The following MYLK2 variants were observed in gnomAD, a reference collection of about 807,000 sequenced individuals.
MYLK2 encodes the protein myosin light chain kinase 2.
In MYLK2, 27 loss-of-function variants were observed where a neutral mutation model predicts 58.2. The ratio of observed to expected loss-of-function variants is 0.46; its 90% confidence interval spans 0.34 to 0.64. The LOEUF (loss-of-function observed/expected upper bound fraction) is 0.64. Among genes scored for constraint, MYLK2 ranks in the 30% least tolerant of loss-of-function variants. The probability of loss-of-function intolerance (pLI) is 0.01; values close to 1 mark genes in which losing one functional copy is unlikely to be tolerated. For synonymous variants in MYLK2, 310 were observed against 296.7 expected, an observed-to-expected ratio of 1.04 and a Z score of -0.46; for missense variants, 676 against 764.3, an observed-to-expected ratio of 0.88 and a Z score of 1.36.
rs768264478 is a variant in MYLK2, at chr20:31,831,758, G to A, written c.1480G>A (p.Val494Ile). ...TGATGACACAGAGACCCTAAACAAC[G>A]TTCTATCTGGCAACTGGTACTTTGA... Reference protein sequence around the residue: ...GDDDTETLNNVLSGNWYFDEE... With the variant: ...GDDDTETLNNILSGNWYFDEE... The change falls in exon 11 of 13, where the codon GTT becomes ATT. Residue 494 changes from valine (V) to isoleucine (I), a missense_variant. Around this residue, in one of 2 missense-constraint regions of MYLK2, gnomAD observed 370 missense variants for 467.8 expected, o/e 0.79. Transcript: ENST00000375985. 1.2e-5 allele frequency: 19 copies of A among 1,613,880 alleles called. No homozygotes were observed. Among genetic ancestry groups the A allele is most frequent in the South Asian group, 5.5e-5 (5 of 91,072 alleles).
At chr20:31,831,680 C>A (rs377136396) in intron 10 of MYLK2, 23 bp from the exon 11 acceptor site, 19 of 1,613,430 alleles carry the variant, frequency 1.2e-5, no homozygotes, top group African/African-American at 4.0e-5. Context: ...ACCTCCCTGC[C>A]CCCTGCTATC....
At chr20:31,831,947 A>G (rs1020012009) in intron 11 of MYLK2, 57 bp from the exon 12 acceptor site, 7 of 1,612,862 alleles carry the variant, frequency 4.3e-6, no homozygotes, top group African/African-American at 2.7e-5. Flanking sequence ...AGGCCAGCTG[A>G]GCCCCTGGGG....
chr20:31,826,528 C>A, intron 6 of MYLK2, 77 bp from the exon 7 acceptor site: 1 of 1,592,588 alleles, frequency 6.3e-7, no homozygotes, highest in South Asian at 1.1e-5. Flanking sequence ...CAGGCCTGTT[C>A]AAGGGTGCGG....
intron 8 of MYLK2, among the ~76,000 whole-genome samples, 183 bp from the exon 9 acceptor site, chr20:31,830,636 C>T (rs776279220): frequency 3.0e-4 from 45 of 152,318 alleles, no homozygotes; most frequent in East Asian, 1.9e-4. Context: ...ATAAGCCCCT[C>T]GTGGGGGACT....
At chr20:31,822,150 A>G (rs1468229714) in intron 4 of MYLK2, among the ~76,000 whole-genome samples, 2 of 152,226 alleles carry the variant, frequency 1.3e-5, no homozygotes, top group Non-Finnish European at 2.9e-5. Context: ...AGGAAAATGA[A>G]GTGCCCAAAC....
At chr20:31,833,278 G>A (rs1474967056) in intron 12 of MYLK2, among the ~76,000 whole-genome samples, 3 of 152,086 alleles carry the variant, frequency 2.0e-5, no homozygotes, top group South Asian at 2.1e-4. Context: ...AGAGTATTCC[G>A]GGCAGAGGGA....
intron 8 of MYLK2, 82 bp downstream of exon 8, chr20:31,827,020 G>A: frequency 6.3e-7 from 1 of 1,594,276 alleles, no homozygotes; most frequent in South Asian, 1.1e-5. Flanking sequence ...CCATCCCTCT[G>A]CCCTCCCATC....
Position 31,821,693 on chromosome 20 carries a change from C to T in MYLK2, c.728C>T (p.Ala243Val). The change falls in exon 4 of 13, where the codon GCC becomes GTC. Residue 243 changes from alanine (A) to valine (V), a missense_variant. This residue lies in a region of MYLK2 where 370 missense variants were observed against 467.8 expected (regional missense o/e 0.79). Transcript: ENST00000375985. The part of the protein sequence containing the change: ...VPSEKSEVGQ[A>V]LCLTAREEDC... The stretch of plus-strand genomic sequence containing the variant: ...TCAGAGAAATCCGAGGTGGGGCAGG[C>T]CCTCTGTCTCACAGCCAGGGAGGAG... The T allele has an allele frequency of 6.2e-7, 1 of 1,611,646 alleles. No homozygotes were observed. Among genetic ancestry groups the T allele is most frequent in the Non-Finnish European group, 8.5e-7 (1 of 1,178,098 alleles).
chr20:31,830,301 C>T (rs547632041), intron 8 of MYLK2, among the ~76,000 whole-genome samples: 1 of 152,156 alleles, frequency 6.6e-6, no homozygotes, highest in African/African-American at 2.4e-5. Flanking sequence ...TGTAGCTCAT[C>T]ATCCTCACTA....
chr20:31,824,532 C>T, intron 6 of MYLK2, 180 bp downstream of exon 6: 1 of 985,424 alleles, frequency 1.0e-6, no homozygotes, highest in African/African-American at 1.7e-5. Context: ...GGCCTGAGGA[C>T]CCTACCCATA....
chr20:31,820,834 A>AT (rs966416008), intron 3 of MYLK2, among the ~76,000 whole-genome samples: 46 of 152,316 alleles, frequency 3.0e-4, no homozygotes, highest in African/African-American at 1.1e-3. Flanking sequence ...CCCTTACTCC[A>AT]TGGGCTTGGG....
intron 8 of MYLK2, 99 bp from the exon 9 acceptor site, chr20:31,830,720 G>T: frequency 8.0e-7 from 1 of 1,242,344 alleles, no homozygotes; most frequent in South Asian, 1.2e-5. Context: ...CTGGCAGCTT[G>T]GGCCTCTGCC....
chr20:31,819,743 G>A, intron 2 of MYLK2, 111 bp downstream of exon 2: 1 of 1,292,622 alleles, frequency 7.7e-7, no homozygotes, highest in Non-Finnish European at 1.1e-6. Context: ...TGTTTGCATG[G>A]TGCACGGGGG....
intron 6 of MYLK2, among the ~76,000 whole-genome samples, chr20:31,824,991 G>A (rs375229424): frequency 3.3e-5 from 5 of 152,174 alleles, no homozygotes; most frequent in East Asian, 1.9e-4. Flanking sequence ...CCTTTTGAGC[G>A]AGGGCTTTGA....
At chr20:31,821,814 C>A in intron 4 of MYLK2, 77 bp downstream of exon 4, 1 of 1,457,122 alleles carries the variant, frequency 6.9e-7, no homozygotes, top group South Asian at 1.3e-5. Flanking sequence ...CCCAAGTCTA[C>A]CTATTCGGAG....
intron 12 of MYLK2, among the ~76,000 whole-genome samples, chr20:31,832,778 A>G (rs187970731): frequency 2.0e-5 from 3 of 152,294 alleles, no homozygotes; most frequent in Non-Finnish European, 4.4e-5. Context: ...GGCGTGAGCC[A>G]CTGTGCCTGG....
In MYLK2 at chr20:31,826,852, G is replaced by T. The variant is rs1174826293; in HGVS notation, c.1138G>T (p.Glu380Ter). ...RIVDEDYHLT[E>*]VDTMVFVRQI... Reference sequence around the variant, plus strand: ...TGTGGATGAGGACTACCATCTGACCGAGGTGGACACCATGGTGTTTGTCAG... The same window carrying T: ...TGTGGATGAGGACTACCATCTGACCTAGGTGGACACCATGGTGTTTGTCAG... The change falls in exon 8 of 13, where the codon GAG becomes TAG. Residue 380 changes from glutamate (E) to a stop codon, truncating the protein, a stop_gained. Transcript: ENST00000375985. LOFTEE classifies it high-confidence loss of function. The T allele has an allele frequency of 6.2e-7, 1 of 1,614,142 alleles. No homozygotes were observed. The highest frequency in any genetic ancestry group is 2.2e-5 in the East Asian group (1 of 44,874).
At chr20:31,830,965 T>C (rs769563728) in intron 9 of MYLK2, 48 bp from the exon 10 acceptor site, 12 of 1,613,860 alleles carry the variant, frequency 7.4e-6, no homozygotes, top group Non-Finnish European at 9.3e-6. Flanking sequence ...GGAGGGGGCA[T>C]GGGTATAGGC....
Position 31,820,319 on chromosome 20 carries a change from G to A in MYLK2, c.246G>A (p.Arg82=), listed in dbSNP as rs2062245628. The change falls in exon 3 of 13, where the codon AGG becomes AGA. Residue 82 remains arginine (R), a synonymous_variant. Transcript: ENST00000375985. The part of the protein sequence containing the change: ...SSQGPKGEGD[R]GGGPAEGSAG... ...AAGGCCCCAAAGGAGAGGGTGACAG[G>A]GGCGGGGGGCCCGCGGAGGGCAGTG... 2 of 1,613,010 alleles carry A rather than the reference G, an allele frequency of 1.2e-6. No homozygotes were observed. Among genetic ancestry groups the A allele is most frequent in the Non-Finnish European group, 1.7e-6 (2 of 1,179,880 alleles).
Sources: gnomAD v4.1 joint callset for allele counts (sites outside exome capture counted in the v4.1 genomes callset) on GRCh38, gnomAD v4.1.1 for gene constraint, gnomAD v4.1.1 regional missense constraint, MANE v1.5 for transcripts, NCBI Gene and HGNC (gene_info 2026-07-23, HGNC 2026-07-21) for gene names.